The following OSCP1 variants were observed in gnomAD, a reference collection of about 807,000 sequenced individuals.
OSCP1 encodes the protein protein OSCP1.
Under a neutral mutation model 45.1 loss-of-function variants are expected in OSCP1, and 35 were observed. The observed-to-expected ratio is 0.78, with a 90% CI of 0.59 to 1.03. The LOEUF is 1.03. OSCP1 is among the 50% of genes least tolerant of loss of function. The pLI, the probability that OSCP1 is intolerant of heterozygous loss-of-function variation, is 0.00. For synonymous variants in OSCP1, 179 were observed against 180.1 expected, an observed-to-expected ratio of 0.99 and a Z score of 0.05; for missense variants, 400 against 470.7, an observed-to-expected ratio of 0.85 and a Z score of 1.39.
chr1:36,428,365 A>T, intron 4 of OSCP1: 1 of 1,614,110 alleles, frequency 6.2e-7, no homozygotes, highest in Non-Finnish European at 8.5e-7. Context: ...AAGGGTATAC[A>T]TAATGGAAAG....
At chr1:36,436,540 C>T (rs893200571) in intron 2 of OSCP1, among the ~76,000 whole-genome samples, 1 of 152,124 alleles carries the variant, frequency 6.6e-6, no homozygotes, top group African/African-American at 2.4e-5. Flanking sequence ...TACACCTGGT[C>T]TTTTAAAATT....
chr1:36,420,877 C>T (rs538231031), intron 7 of OSCP1, among the ~76,000 whole-genome samples: 1 of 152,250 alleles, frequency 6.6e-6, no homozygotes, highest in African/African-American at 2.4e-5. Flanking sequence ...CACGTTTCTC[C>T]TCTCACTACC....
intron 4 of OSCP1, 131 bp downstream of exon 4, chr1:36,431,671 A>G (rs1479958949): frequency 2.9e-6 from 2 of 698,340 alleles, no homozygotes; most frequent in Non-Finnish European, 4.7e-6. Flanking sequence ...TATCTTTATC[A>G]TTAGAGAGGC....
chr1:36,442,157 C>T (rs1649232433), intron 1 of OSCP1, among the ~76,000 whole-genome samples: 1 of 149,104 alleles, frequency 6.7e-6, no homozygotes, highest in Non-Finnish European at 1.5e-5. Context: ...AACCTGGGAG[C>T]GGAGGTTGTA....
chr1:36,421,590 C>A (rs926396253), intron 7 of OSCP1, among the ~76,000 whole-genome samples: 3 of 152,188 alleles, frequency 2.0e-5, no homozygotes, highest in Non-Finnish European at 4.4e-5. Context: ...CCACAGGCCC[C>A]TTCAAGATGG....
At chr1:36,432,089 T>C (rs1648402757) in intron 3 of OSCP1, among the ~76,000 whole-genome samples, 2 of 152,062 alleles carry the variant, frequency 1.3e-5, no homozygotes. Context: ...AGGGGTACAC[T>C]TCCTGTCTCC....
chr1:36,449,136 T>C (rs1427472642), intron 1 of OSCP1, among the ~76,000 whole-genome samples: 1 of 152,248 alleles, frequency 6.6e-6, no homozygotes, highest in Non-Finnish European at 1.5e-5. Flanking sequence ...ATGGAGAGAA[T>C]GTTTTAATTG....
intron 4 of OSCP1, among the ~76,000 whole-genome samples, chr1:36,424,206 G>A (rs1647830685): frequency 6.6e-6 from 1 of 152,220 alleles, no homozygotes; most frequent in Non-Finnish European, 1.5e-5. Context: ...CTCCCAAAGT[G>A]CTGGGATTAC....
intron 2 of OSCP1, among the ~76,000 whole-genome samples, chr1:36,433,524 T>C (rs891289448): frequency 6.6e-6 from 1 of 152,066 alleles, no homozygotes; most frequent in Non-Finnish European, 1.5e-5. Context: ...GGTCAAGGGC[T>C]GAAAAACTAA....
rs373344633 is a variant in OSCP1, at chr1:36,431,891, G to A, written c.436-9C>T. 1.9e-6 allele frequency: 3 copies of A among 1,612,064 alleles called. No individual in the cohort carries two copies. The African/African-American group carries it at 4.0e-5, about 22-fold the overall frequency. On this transcript the variant is annotated splice_polypyrimidine_tract_variant and intron_variant, in intron 3 of 9. Coordinates refer to ENST00000235532, the MANE Select transcript of OSCP1 (RefSeq NM_145047.5). ...GAGAGACCACCATATATCTGCCAAA[G>A]GCAAGCAGAAAGCAGCACTTCACTT... is the stretch of plus-strand genomic sequence containing the variant.
intron 1 of OSCP1, among the ~76,000 whole-genome samples, chr1:36,448,974 A>T (rs1649705923): frequency 6.6e-6 from 1 of 152,216 alleles, no homozygotes; most frequent in Non-Finnish European, 1.5e-5. Flanking sequence ...CAATGTGCAG[A>T]ATGAATGGAG....
chr1:36,418,689 G>C (rs1647422387), intron 9 of OSCP1: 2 of 354,118 alleles, frequency 5.6e-6, no homozygotes, highest in Non-Finnish European at 1.0e-5. Flanking sequence ...GGCCAAGGCG[G>C]GTGGATCACT....
intron 1 of OSCP1, among the ~76,000 whole-genome samples, chr1:36,449,000 G>A (rs1557573379): frequency 6.6e-6 from 1 of 152,174 alleles, no homozygotes; most frequent in Non-Finnish European, 1.5e-5. Flanking sequence ...ATGTTATAGG[G>A]AGTTATTTTT....
intron 8 of OSCP1, 93 bp downstream of exon 8, chr1:36,420,382 AT>A (rs1312723495): frequency 2.7e-5 from 38 of 1,400,170 alleles, no homozygotes; most frequent in Non-Finnish European, 3.6e-5. Context: ...TTACACAAAT[AT>A]TTATAAGTGC....
intron 1 of OSCP1, among the ~76,000 whole-genome samples, chr1:36,441,474 C>G (rs1304860890): frequency 6.6e-6 from 1 of 152,000 alleles, no homozygotes; most frequent in Non-Finnish European, 1.5e-5. Context: ...AGCGTACGGG[C>G]GCGGTGGCTC....
chr1:36,449,110 G>A (rs1649715722), intron 1 of OSCP1, among the ~76,000 whole-genome samples: 1 of 152,166 alleles, frequency 6.6e-6, no homozygotes, highest in Non-Finnish European at 1.5e-5. Context: ...AACATCAATT[G>A]AGCATACAAA....
intron 8 of OSCP1, among the ~76,000 whole-genome samples, chr1:36,419,537 A>G (rs1647484207): frequency 6.6e-6 from 1 of 152,238 alleles, no homozygotes; most frequent in South Asian, 2.1e-4. Flanking sequence ...TAATAGTTCA[A>G]TGAAAGGTGA....
chr1:36,438,298 C>T (rs1557562442), intron 2 of OSCP1, among the ~76,000 whole-genome samples: 1 of 105,122 alleles, frequency 9.5e-6, no homozygotes, highest in Non-Finnish European at 1.8e-5. Flanking sequence ...GCCTGGGCAA[C>T]AAGAGCGAAA....
chr1:36,424,942 G>C (rs1237174131), intron 4 of OSCP1, among the ~76,000 whole-genome samples: 1 of 152,134 alleles, frequency 6.6e-6, no homozygotes, highest in Non-Finnish European at 1.5e-5. Flanking sequence ...GGAGGCTGAG[G>C]CGGGTGGATC....
Sources: gnomAD v4.1 joint callset for allele counts (sites outside exome capture counted in the v4.1 genomes callset) on GRCh38, gnomAD v4.1.1 for gene constraint, MANE v1.5 for transcripts, NCBI Gene and HGNC (gene_info 2026-07-23, HGNC 2026-07-21) for gene names.